The following ENAM variants were observed in gnomAD, a reference collection of about 807,000 sequenced individuals.
ENAM encodes amelogenesis imperfecta 2, hypocalcification (autosomal dominant).
A neutral mutation model predicts 33.6 loss-of-function variants in ENAM; 21 were observed. The ratio of observed to expected loss-of-function variants is 0.63; its 90% CI spans 0.44 to 0.90. The LOEUF (loss-of-function observed/expected upper bound fraction) is 0.90, where lower values mean the gene tolerates loss of function less well. ENAM is among the 40% of genes least tolerant of loss of function. The pLI, the probability that ENAM is intolerant of heterozygous loss-of-function variation, is 0.00. For synonymous variants in ENAM, 473 were observed against 468.4 expected, an observed-to-expected ratio of 1.01 and a Z score of -0.13; for missense variants, 1,388 against 1,366.9, an observed-to-expected ratio of 1.02 and a Z score of -0.24.
intron 6 of ENAM, among the ~76,000 whole-genome samples, chr4:70,635,282 C>A (rs2109821402): frequency 6.6e-6 from 1 of 152,240 alleles, no homozygotes; most frequent in Admixed American, 6.5e-5. Flanking sequence ...GAGGCTGAGG[C>A]AGAAGAATCG....
In ENAM at chr4:70,643,522, A is replaced by G. The variant is rs1042354398; in HGVS notation, c.2096A>G (p.Tyr699Cys). The change falls in exon 9 of 9, where the codon TAT becomes TGT. Residue 699 changes from tyrosine to cysteine, a missense_variant. Transcript: ENST00000396073. ...EQYTSNQPKE[Y>C]LPYSLDNPSK... ...TATACCTCAAATCAGCCAAAGGAATATCTTCCCTATTCTTTAGATAATCCA... is the reference window on the plus strand; with the variant it reads ...TATACCTCAAATCAGCCAAAGGAATGTCTTCCCTATTCTTTAGATAATCCA... 2.5e-6 allele frequency: 4 copies of G among 1,614,044 alleles called. No homozygotes were observed. Among genetic ancestry groups the G allele is most frequent in the Non-Finnish European group, 3.4e-6 (4 of 1,180,004 alleles).
At chr4:70,632,066 C>T (rs1395028927) in intron 4 of ENAM, among the ~76,000 whole-genome samples, 173 bp downstream of exon 4, 1 of 152,136 alleles carries the variant, frequency 6.6e-6, no homozygotes, top group Non-Finnish European at 1.5e-5. Context: ...GTAATTTCCC[C>T]AGCCATCAGC....
chr4:70,630,077 A>G (rs543207183), intron 2 of ENAM, among the ~76,000 whole-genome samples: 110 of 152,298 alleles, frequency 7.2e-4, no homozygotes, highest in Middle Eastern at 6.8e-3. Flanking sequence ...CTCTAAAATA[A>G]CATTCAGCTG....
chr4:70,631,605 A>C lies in ENAM; in HGVS notation c.55-65A>C, dbSNP rs1275713388. ...AGACAAGTAGGCTAGTACTTAGATAAGTGCAGAGTGCCCTAAGCATACTTA... is the reference window on the plus strand; with the variant it reads ...AGACAAGTAGGCTAGTACTTAGATACGTGCAGAGTGCCCTAAGCATACTTA... On this transcript the variant is annotated intron_variant, in intron 2 of 8. Transcript: ENST00000396073. The C allele has an allele frequency of 1.0e-5, 12 of 1,159,276 alleles. No homozygotes were observed. In the Admixed American group the frequency reaches 2.0e-4, roughly 20 times the overall value. 71.8% of individuals were successfully genotyped at this position (1,159,276 alleles called of 1,614,324 possible).
At position 70,643,645 on chromosome 4, in the gene ENAM, C is replaced by A. The variant is rs765992032; in HGVS notation, c.2219C>A (p.Pro740His). The change falls in exon 9 of 9, where the codon CCT becomes CAT. Residue 740 changes from proline (P) to histidine (H), a missense_variant. By Grantham distance (77) the Pro-to-His change is moderately conservative. Transcript: ENST00000396073. ...AATACAGCTTCTACTATGCCACCACCTATAGAGAGCAGGGGCTACTACGTT... is the reference window on the plus strand; with the variant it reads ...AATACAGCTTCTACTATGCCACCACATATAGAGAGCAGGGGCTACTACGTT... ...SYNTASTMPP[P>H]IESRGYYVNN... is the part of the protein sequence containing the mutation. The A allele has an allele frequency of 1.2e-6, 2 of 1,614,112 alleles. No homozygotes were observed. The highest frequency in any genetic ancestry group is 1.7e-6 in the Non-Finnish European group (2 of 1,179,978).
In ENAM at chr4:70,642,916, C is replaced by T; in HGVS notation, c.1490C>T (p.Pro497Leu). ...GATCAACATGAAAACTCCTATTACC[C>T]AAGAGGAGATTCCAGAAAAGTCCCA... is the stretch of plus-strand genomic sequence containing the variant. ...SVDQHENSYY[P>L]RGDSRKVPNS... Residue 497 changes from proline (P) to leucine (L), a missense_variant, in exon 9 of 9, where the codon CCA becomes CTA. Transcript: ENST00000396073. The T allele has an allele frequency of 6.2e-7, 1 of 1,613,898 alleles. No individual in the cohort carries two copies. The highest frequency in any genetic ancestry group is 8.5e-7 in the Non-Finnish European group (1 of 1,179,910).
rs371950676 is a variant in ENAM, at chr4:70,645,212, G to A, written c.*357G>A. 5 of 442,670 alleles carry A rather than the reference G, an allele frequency of 1.1e-5. No individual in the cohort carries two copies. Among genetic ancestry groups the A allele is most frequent in the South Asian group, 3.5e-5 (1 of 28,788 alleles). The allele number at this position is 442,670 out of a possible 1,614,324, so 27.4% of individuals were successfully genotyped here. A position where few individuals can be genotyped will look rare whatever the true frequency, so the allele number is the denominator to read the frequency against. ...CAAAATTGGTTTTTCAAGACTGAAA[G>A]GCAGATTAACTTTCCATTCTACTTA... On this transcript the variant is annotated 3_prime_UTR_variant, in exon 9 of 9. Coordinates refer to ENST00000396073, the MANE Select transcript of ENAM (RefSeq NM_031889.3).
intron 8 of ENAM, among the ~76,000 whole-genome samples, chr4:70,639,997 G>T (rs770174369): frequency 4.0e-4 from 61 of 152,190 alleles, no homozygotes; most frequent in Non-Finnish European, 6.0e-4. Flanking sequence ...CACAAATGGG[G>T]ATTAAAATAC....
At position 70,643,558 on chromosome 4, in the gene ENAM, G is replaced by A. The variant is rs1260565880; in HGVS notation, c.2132G>A (p.Arg711Lys). 1 of 1,614,008 alleles carries A rather than the reference G, an allele frequency of 6.2e-7. No homozygotes were observed. The highest frequency in any genetic ancestry group is 1.1e-5 in the South Asian group (1 of 91,072). The change falls in exon 9 of 9, where the codon AGG becomes AAG. Residue 711 changes from arginine to lysine, a missense_variant. Coordinates refer to ENST00000396073, the MANE Select transcript of ENAM (RefSeq NM_031889.3). ...PYSLDNPSKP[R>K]EDFYYSEFYP... ...TCTTTAGATAATCCATCAAAACCAA[G>A]GGAGGATTTTTATTACAGTGAATTT...
intron 7 of ENAM, 81 bp downstream of exon 7, chr4:70,635,975 A>G (rs1738442741): frequency 4.0e-6 from 3 of 757,658 alleles, no homozygotes; most frequent in African/African-American, 1.8e-5. Flanking sequence ...AAATTCATAC[A>G]TTCTAATGGA....
Position 70,631,832 on chromosome 4 carries a change from C to T in ENAM, c.124-17C>T, listed in dbSNP as rs780704254. 4.4e-5 allele frequency: 71 copies of T among 1,613,756 alleles called. No homozygotes were observed. Among genetic ancestry groups the T allele is most frequent in the Non-Finnish European group, 5.4e-5 (64 of 1,179,636 alleles). On this transcript the variant is annotated splice_polypyrimidine_tract_variant and intron_variant, in intron 3 of 8. Coordinates refer to ENST00000396073, the MANE Select transcript of ENAM (RefSeq NM_031889.3). ...ACTGATGTTCTGCATTTGTCACTGA[C>T]ATTCTCTTACTTCCAGATGCACATG...
rs1300128475 is a variant in ENAM at position 70,635,707 on chromosome 4, AAC to A, written c.472-121_472-120del. 5 of 702,426 alleles carry A rather than the reference AAC, an allele frequency of 7.1e-6. No individual in the cohort carries two copies. The East Asian group carries it at 1.0e-4, about 14-fold the overall frequency. 43.5% of individuals were successfully genotyped at this position (702,426 alleles called of 1,614,324 possible). A position where few individuals can be genotyped will look rare whatever the true frequency, so the allele number is the denominator to read the frequency against. On this transcript the variant is annotated intron_variant, in intron 6 of 8. Transcript: ENST00000396073. ...TCATTATCGTCTTTGCCCTATAAAA[AAC>A]ACAGAGTTTAATGCAAAGGGAGATG... is the stretch of plus-strand genomic sequence containing the variant.
Position 70,635,884 on chromosome 4 carries a change from A to G in ENAM, c.524A>G (p.Gln175Arg), listed in dbSNP as rs1397605125. 2 of 1,603,678 alleles carry G rather than the reference A, an allele frequency of 1.2e-6. No individual in the cohort carries two copies. The highest frequency in any genetic ancestry group is 2.7e-5 in the African/African-American group (2 of 74,654). ...TTCCCCTATCAACAACCACCATGGC[A>G]AATTCCACAGGTGAGAAATTTTTTT... ...GLFPYQQPPWQIPQRLPPPGY... is the reference protein window; with the variant it reads ...GLFPYQQPPWRIPQRLPPPGY... Residue 175 changes from glutamine (Q) to arginine (R), a missense_variant, in exon 7 of 9, where the codon CAA becomes CGA. By Grantham distance (43) the Gln-to-Arg change is conservative. Coordinates refer to ENST00000396073, the MANE Select transcript of ENAM (RefSeq NM_031889.3).
At chr4:70,629,231 C>T (rs570647922) in intron 1 of ENAM, among the ~76,000 whole-genome samples, 3 of 152,084 alleles carry the variant, frequency 2.0e-5, no homozygotes, top group Non-Finnish European at 2.9e-5. Context: ...TTGTCAACAT[C>T]GCCCTAGAAG....
At position 70,642,664 on chromosome 4, in the gene ENAM, T is replaced by C; in HGVS notation, c.1238T>C (p.Val413Ala). The C allele has an allele frequency of 2.5e-6, 4 of 1,613,012 alleles. No individual in the cohort carries two copies. Among genetic ancestry groups the C allele is most frequent in the Non-Finnish European group, 3.4e-6 (4 of 1,179,652 alleles). ...RKPQGPNKHP[V>A]GTTVAPLGPK... ...CCTCAGGGGCCAAATAAACACCCTG[T>C]AGGAACTACTGTTGCCCCACTGGGT... is the stretch of plus-strand genomic sequence containing the variant. The change falls in exon 9 of 9, where the codon GTA (valine) becomes GCA (alanine). Residue 413 changes from valine to alanine, a missense_variant. Physicochemically the swap from Val to Ala is moderately conservative, Grantham distance 64 (BLOSUM62 0). Transcript: ENST00000396073.
At position 70,642,795 on chromosome 4, in the gene ENAM, C is replaced by A. The variant is rs1738637050; in HGVS notation, c.1369C>A (p.Pro457Thr). The A allele has an allele frequency of 6.2e-7, 1 of 1,613,832 alleles. No individual in the cohort carries two copies. Among genetic ancestry groups the A allele is most frequent in the South Asian group, 1.1e-5 (1 of 91,056 alleles). The change falls in exon 9 of 9, where the codon CCC becomes ACC. Residue 457 changes from proline (P) to threonine (T), a missense_variant. Coordinates refer to ENST00000396073, the MANE Select transcript of ENAM (RefSeq NM_031889.3). ...AGTTCCTACAAAGAATCCAACCAGC[C>A]CCTGGAGAAACTCTCAACAGTATGA... ...IIVPTKNPTS[P>T]WRNSQQYEVN... is the part of the protein sequence containing the mutation.
intron 5 of ENAM, among the ~76,000 whole-genome samples, chr4:70,633,409 CCT>C (rs1364466207): frequency 3.9e-5 from 6 of 152,146 alleles, no homozygotes; most frequent in African/African-American, 1.2e-4. Context: ...TTTTCATACC[CCT>C]GTTTTTAGTT....
Position 70,634,583 on chromosome 4 carries a change from GA to G in ENAM, c.471+20del. ...AACCCCCTCAGGTGAGACTTGCACA[GA>G]AAAATTCCATATCTGTAAATGGCCT... On this transcript the variant is annotated intron_variant, in intron 6 of 8. Transcript: ENST00000396073. 1 of 1,613,794 alleles carries G rather than the reference GA, an allele frequency of 6.2e-7. No individual in the cohort carries two copies. The highest frequency in any genetic ancestry group is 8.5e-7 in the Non-Finnish European group (1 of 1,179,806).
intron 7 of ENAM, among the ~76,000 whole-genome samples, chr4:70,637,253 G>T (rs572069410): frequency 4.6e-5 from 7 of 152,288 alleles, no homozygotes; most frequent in African/African-American, 9.6e-5. Flanking sequence ...CTCCAAGTTT[G>T]ATTAGGAGAA....
Sources: gnomAD v4.1 joint callset for allele counts (sites outside exome capture counted in the v4.1 genomes callset) on GRCh38, gnomAD v4.1.1 for gene constraint, MANE v1.5 for transcripts, NCBI Gene and HGNC (gene_info 2026-07-23, HGNC 2026-07-21) for gene names.